The following ICA1L variants were observed in gnomAD, a reference collection of about 807,000 sequenced individuals.
The protein encoded by ICA1L is islet cell autoantigen 1 like.
A neutral mutation model predicts 61.3 loss-of-function variants in ICA1L; 50 were observed. The observed-to-expected ratio is 0.82, with a 90% CI of 0.65 to 1.03. The LOEUF (loss-of-function observed/expected upper bound fraction) is 1.03. Ranked by LOEUF, ICA1L falls within the 50% of genes least tolerant of loss-of-function variation. ICA1L has a pLI of 0.00. For missense variants in ICA1L, 508 were observed against 556.7 expected (o/e 0.91, Z 0.88); for synonymous variants, 161 against 191.3 (o/e 0.84, Z 1.31).
At chr2:202,832,435 C>A (rs1553536476) in intron 1 of ICA1L, among the ~76,000 whole-genome samples, 2,569 of 80,814 alleles carry the variant, frequency 0.032, no homozygotes, top group African/African-American at 0.047. Context: ...GACTCCGTCA[C>A]AAAAAAAAAA....
At chr2:202,804,608 C>T (rs768357872) in intron 9 of ICA1L, among the ~76,000 whole-genome samples, 20 of 152,138 alleles carry the variant, frequency 1.3e-4, no homozygotes, top group Non-Finnish European at 2.2e-4. Context: ...CATTTCTCAA[C>T]ACGTAAACAA....
chr2:202,795,073 C>CTTTTT (rs59752090), intron 10 of ICA1L, among the ~76,000 whole-genome samples: 500 of 96,944 alleles, frequency 5.2e-3, no homozygotes, highest in African/African-American at 7.7e-3. Flanking sequence ...GTTTCCTTTT[C>CTTTTT]TTTTTTTTTT....
At chr2:202,791,282 G>A (rs1574328695) in intron 10 of ICA1L, among the ~76,000 whole-genome samples, 1 of 152,072 alleles carries the variant, frequency 6.6e-6, no homozygotes, top group African/African-American at 2.4e-5. Context: ...ATGATAACTT[G>A]GACTTACAAA....
At chr2:202,830,074 G>C (rs1178022077) in intron 1 of ICA1L, among the ~76,000 whole-genome samples, 1 of 152,160 alleles carries the variant, frequency 6.6e-6, no homozygotes, top group African/African-American at 2.4e-5. Context: ...AAGAAATACA[G>C]ATGGACATTG....
Position 202,773,920 on chromosome 2 carries a change from A to G in ICA1L, c.*5613T>C. The G allele has an allele frequency of 8.3e-7, 1 of 1,203,912 alleles. No homozygotes were observed. Among genetic ancestry groups the G allele is most frequent in the South Asian group, 1.3e-5 (1 of 77,304 alleles). 74.6% of individuals were successfully genotyped at this position (1,203,912 alleles called of 1,614,324 possible). On this transcript the variant is annotated 3_prime_UTR_variant, in exon 13 of 13. Transcript: ENST00000358299. Reference sequence around the variant, plus strand: ...AGTGGAATAAGAACAGTCAACGTAGAAAGAGACAGAAAGATTCTTCTCTTC... The same window carrying G: ...AGTGGAATAAGAACAGTCAACGTAGGAAGAGACAGAAAGATTCTTCTCTTC...
intron 10 of ICA1L, among the ~76,000 whole-genome samples, chr2:202,790,648 T>C (rs1692717885): frequency 6.6e-6 from 1 of 152,170 alleles, no homozygotes; most frequent in South Asian, 2.1e-4. Flanking sequence ...AGTCAATAGA[T>C]AATAGAGGCT....
At chr2:202,867,080 G>C (rs961393950) in intron 1 of ICA1L, among the ~76,000 whole-genome samples, 4 of 152,062 alleles carry the variant, frequency 2.6e-5, no homozygotes, top group African/African-American at 7.2e-5. Flanking sequence ...ATTTAAAATT[G>C]CTATTTGAAA....
intron 10 of ICA1L, among the ~76,000 whole-genome samples, chr2:202,793,033 G>A (rs999524190): frequency 6.6e-6 from 1 of 152,080 alleles, no homozygotes; most frequent in Non-Finnish European, 1.5e-5. Context: ...AGAATTTGGG[G>A]GGTAATGGAA....
At chr2:202,806,893 T>C (rs1272877107) in intron 9 of ICA1L, among the ~76,000 whole-genome samples, 1 of 152,188 alleles carries the variant, frequency 6.6e-6, no homozygotes, top group Non-Finnish European at 1.5e-5. Flanking sequence ...ACCACAGTGG[T>C]TCAAATATAT....
chr2:202,834,005 TAATAAC>T (rs1464371580), intron 1 of ICA1L, among the ~76,000 whole-genome samples: 27 of 152,278 alleles, frequency 1.8e-4, no homozygotes, highest in Admixed American at 3.9e-4. Context: ...GGACTATAGT[TAATAAC>T]AATGTATTAT....
chr2:202,847,318 G>C (rs1158982866), intron 1 of ICA1L, among the ~76,000 whole-genome samples: 1 of 152,216 alleles, frequency 6.6e-6, no homozygotes. Flanking sequence ...CTCTAAGTGG[G>C]AAGGTTACAC....
At chr2:202,790,185 C>T (rs573064165) in intron 10 of ICA1L, among the ~76,000 whole-genome samples, 28 of 152,026 alleles carry the variant, frequency 1.8e-4, no homozygotes, top group African/African-American at 5.3e-4. Context: ...GTAATTTTAC[C>T]TTTTGACAAT....
rs910088007 is a variant in ICA1L, at chr2:202,835,896, G to A, written c.-7-6880C>T. Among the ~76,000 whole-genome samples, 6 of 152,114 alleles carry A rather than the reference G, an allele frequency of 3.9e-5. No individual in the cohort carries two copies. In the East Asian group the frequency reaches 7.7e-4, roughly 20 times the overall value. On this transcript the variant is annotated intron_variant, in intron 1 of 12. Coordinates refer to ENST00000358299, the MANE Select transcript of ICA1L (RefSeq NM_001288622.3). ...TTTGTATCCTGCAACTTTACTGAAT[G>A]TATTACTTGTAATAGTTTTTTGGTG...
At chr2:202,818,924 A>G (rs940975746) in intron 5 of ICA1L, among the ~76,000 whole-genome samples, 3 of 152,240 alleles carry the variant, frequency 2.0e-5, no homozygotes, top group Admixed American at 2.0e-4. Flanking sequence ...AAAGTGTTCA[A>G]TTAAGTGGCA....
chr2:202,799,627 C>T (rs1248800101), intron 9 of ICA1L, among the ~76,000 whole-genome samples: 1 of 152,014 alleles, frequency 6.6e-6, no homozygotes, highest in Non-Finnish European at 1.5e-5. Context: ...AATTAAGTCC[C>T]TTTTATCTAT....
At chr2:202,852,671 CA>C (rs574400027) in intron 1 of ICA1L, among the ~76,000 whole-genome samples, 125 of 42,202 alleles carry the variant, frequency 3.0e-3, no homozygotes, top group South Asian at 0.015. Context: ...GACTCTGTCT[CA>C]AAAAAAAAAA....
intron 2 of ICA1L, among the ~76,000 whole-genome samples, chr2:202,826,763 T>A (rs1182095307): frequency 6.6e-6 from 1 of 151,780 alleles, no homozygotes; most frequent in Non-Finnish European, 1.5e-5. Context: ...TTTTTTTTTT[T>A]AGCAAGGCCT....
Position 202,773,933 on chromosome 2 carries a change from G to T in ICA1L, c.*5600C>A. ...CAGTCAACGTAGAAAGAGACAGAAAGATTCTTCTCTTCCGCTTATTACTTG... is the reference window on the plus strand; with the variant it reads ...CAGTCAACGTAGAAAGAGACAGAAATATTCTTCTCTTCCGCTTATTACTTG... On this transcript the variant is annotated 3_prime_UTR_variant, in exon 13 of 13. Coordinates refer to ENST00000358299, the MANE Select transcript of ICA1L (RefSeq NM_001288622.3). 8.5e-7 allele frequency: 1 copy of T among 1,172,904 alleles called. No individual in the cohort carries two copies. Among genetic ancestry groups the T allele is most frequent in the South Asian group, 1.3e-5 (1 of 75,074 alleles). 72.7% of individuals were successfully genotyped at this position (1,172,904 alleles called of 1,614,324 possible). A position where few individuals can be genotyped will look rare whatever the true frequency, so the allele number is the denominator to read the frequency against.
rs910632862 is a variant in ICA1L, at chr2:202,832,021, T to C, written c.-7-3005A>G. Reference sequence around the variant, plus strand: ...CCTGTGCTAATCACTAAACGAATCATGAGGCAAGGGAGGGAAACCCAGGAA... The same window carrying C: ...CCTGTGCTAATCACTAAACGAATCACGAGGCAAGGGAGGGAAACCCAGGAA... On this transcript the variant is annotated intron_variant, in intron 1 of 12. Transcript: ENST00000358299. 2.0e-5 allele frequency among the ~76,000 whole-genome samples: 3 copies of C among 152,018 alleles called. No individual in the cohort carries two copies. The East Asian group carries it at 5.8e-4, about 29-fold the overall frequency.
Sources: gnomAD v4.1 joint callset for allele counts (sites outside exome capture counted in the v4.1 genomes callset) on GRCh38, gnomAD v4.1.1 for gene constraint, MANE v1.5 for transcripts, NCBI Gene and HGNC (gene_info 2026-07-23, HGNC 2026-07-21) for gene names.